ERVH48-1: variants seen among roughly 807,000 people sequenced by gnomAD.
ERVH48-1 encodes suppressyn.
In ERVH48-1, 4 loss-of-function variants were observed where a neutral mutation model predicts 2.4. The observed-to-expected ratio is 1.68, with a 90% confidence interval of 0.83 to 3.84. ERVH48-1 has a LOEUF of 3.84. ERVH48-1 is among the 30% of genes most tolerant of loss of function. The pLI is 0.01. For missense variants in ERVH48-1, 97 were observed against 43.4 expected (o/e 2.23, Z -3.47); for synonymous variants, 32 against 15.5 (o/e 2.06, Z -2.49).
intron 1 of ERVH48-1, among the ~76,000 whole-genome samples, chr21:42,922,593 A>C (rs2058809067): frequency 2.6e-5 from 4 of 151,934 alleles, no homozygotes. Flanking sequence ...ACAAAAATTT[A>C]GCTCGGCATA....
chr21:42,919,647 A>C (rs1351347797), intron 1 of ERVH48-1, among the ~76,000 whole-genome samples: 1 of 152,164 alleles, frequency 6.6e-6, no homozygotes, highest in East Asian at 1.9e-4. Context: ...GGGTGTGTGG[A>C]GAACCCATTT....
intron 1 of ERVH48-1, among the ~76,000 whole-genome samples, chr21:42,924,246 TTGTCCTGAGGAGAGGA>T (rs1007688607): frequency 6.6e-6 from 1 of 151,748 alleles, no homozygotes; most frequent in Non-Finnish European, 1.5e-5. Flanking sequence ...AGTGCAAGAA[TTGTCCTGAGGAGAGGA>T]TGGTGTAGGA....
At chr21:42,922,459 G>T (rs956475405) in intron 1 of ERVH48-1, among the ~76,000 whole-genome samples, 3 of 151,936 alleles carry the variant, frequency 2.0e-5, no homozygotes, top group Non-Finnish European at 4.4e-5. Flanking sequence ...AGTGAAGGAA[G>T]GCCGGGCGCG....
At chr21:42,925,317 C>T (rs2058817612) in intron 1 of ERVH48-1, 29 bp downstream of exon 1, 1 of 394,378 alleles carries the variant, frequency 2.5e-6, no homozygotes, top group East Asian at 8.5e-5. Context: ...CGGATTTTTC[C>T]CTGTTAACCG....
At position 42,916,977 on chromosome 21, in the gene ERVH48-1, G is replaced by C. The variant is rs1241870547; in HGVS notation, c.*1547C>G. 1 of 152,386 alleles carries C rather than the reference G, an allele frequency of 6.6e-6. No individual in the cohort carries two copies. Among genetic ancestry groups the C allele is most frequent in the African/African-American group, 2.4e-5 (1 of 41,414 alleles). The allele number at this position is 152,386 out of a possible 1,614,324, so 9.4% of individuals were successfully genotyped here. ...GGGCGACCTCCCTCTTGATCTTCAGGGGGTACGTGTCTTCCAGCCAGCTCT... is the reference window on the plus strand; with the variant it reads ...GGGCGACCTCCCTCTTGATCTTCAGCGGGTACGTGTCTTCCAGCCAGCTCT... On this transcript the variant is annotated 3_prime_UTR_variant, in exon 2 of 2. Transcript: ENST00000447535.
At position 42,918,272 on chromosome 21, in the gene ERVH48-1, C is replaced by T. The variant is rs1458308163; in HGVS notation, c.*252G>A. The T allele has an allele frequency of 2.5e-5, 8 of 326,342 alleles. No homozygotes were observed. The highest frequency in any genetic ancestry group is 1.1e-3 in the Middle Eastern group (1 of 904). The allele number at this position is 326,342 out of a possible 1,614,324, so 20.2% of individuals were successfully genotyped here. On this transcript the variant is annotated 3_prime_UTR_variant, in exon 2 of 2. Transcript: ENST00000447535. ...GCGATGGGTTTTATCAGTCCACTTG[C>T]GGGATATGCACACCGTCCCTCATAC...
chr21:42,919,496 C>G (rs1418610842), intron 1 of ERVH48-1, among the ~76,000 whole-genome samples: 2 of 152,066 alleles, frequency 1.3e-5, no homozygotes, highest in Admixed American at 6.5e-5. Flanking sequence ...AAAAAGGCTG[C>G]CTTTGGTGTT....
chr21:42,921,060 T>TTGGAAGCAAGCAGCCCATCCGAGAAC (rs2058804160), intron 1 of ERVH48-1, among the ~76,000 whole-genome samples: 1 of 152,096 alleles, frequency 6.6e-6, no homozygotes, highest in Non-Finnish European at 1.5e-5. Flanking sequence ...CCACCAGTGC[T>TTGGAAGCAAGCAGCCCATCCGAGAAC]TGGAAGCAAG....
rs1413334266 is a variant in ERVH48-1, at chr21:42,918,976, T to A, written c.31A>T (p.Thr11Ser). Residue 11 changes from threonine to serine, a missense_variant, in exon 2 of 2, where the codon ACC becomes TCC. Physicochemically the swap from Thr to Ser is moderately conservative, Grantham distance 58. Transcript: ENST00000447535. ...TTAAGACTTTTGGTTGGAAGAGAGG[T>A]ATAGAAAGTGGTTGGGTAGATACAG... MACIYPTTFY[T>S]SLPTKSLNMG... The A allele has an allele frequency of 1.1e-6, 1 of 931,170 alleles. No homozygotes were observed. The highest frequency in any genetic ancestry group is 2.3e-5 in the Admixed American group (1 of 42,952). The allele number at this position is 931,170 out of a possible 1,614,324, so 57.7% of individuals were successfully genotyped here.
rs1179597192 is a variant in ERVH48-1, at chr21:42,918,482, TACAA to T, written c.*38_*41del. ...GTAAGCACAATGGTTCTCCTAGATC[TACAA>T]ACAGATTTTTTCCTGGCTTAGGAAG... On this transcript the variant is annotated 3_prime_UTR_variant, in exon 2 of 2. Coordinates refer to ENST00000447535, the MANE Select transcript of ERVH48-1 (RefSeq NM_001308491.2). The T allele has an allele frequency of 3.7e-5, 16 of 433,122 alleles. No individual in the cohort carries two copies. Among genetic ancestry groups the T allele is most frequent in the Non-Finnish European group, 6.5e-5 (14 of 215,542 alleles). The allele number at this position is 433,122 out of a possible 1,614,324, so 26.8% of individuals were successfully genotyped here. A position where few individuals can be genotyped will look rare whatever the true frequency, so the allele number is the denominator to read the frequency against.
chr21:42,921,220 G>A (rs867412181), intron 1 of ERVH48-1, among the ~76,000 whole-genome samples: 1 of 152,148 alleles, frequency 6.6e-6, no homozygotes, highest in East Asian at 1.9e-4. Flanking sequence ...GTCTGGGAGG[G>A]TGAGGATGGG....
intron 1 of ERVH48-1, 31 bp from the exon 2 acceptor site, chr21:42,919,322 A>G (rs1428540882): frequency 4.7e-6 from 1 of 212,044 alleles, no homozygotes; most frequent in African/African-American, 2.3e-5. Flanking sequence ...TGAGAGGATA[A>G]GGAGGTGTCG....
At position 42,918,043 on chromosome 21, in the gene ERVH48-1, C is replaced by G. The variant is rs1466403544; in HGVS notation, c.*481G>C. The G allele has an allele frequency of 1.3e-5, 2 of 154,538 alleles. No homozygotes were observed. The highest frequency in any genetic ancestry group is 2.9e-5 in the Non-Finnish European group (2 of 69,634). The allele number at this position is 154,538 out of a possible 1,614,324, so 9.6% of individuals were successfully genotyped here. ...GGCAGTCCATTGTCAGCTGGTGTTC[C>G]TAGGATTGTCGCATAGTACACTTAG... is the stretch of plus-strand genomic sequence containing the variant. On this transcript the variant is annotated 3_prime_UTR_variant, in exon 2 of 2. Coordinates refer to ENST00000447535, the MANE Select transcript of ERVH48-1 (RefSeq NM_001308491.2).
Position 42,925,345 on chromosome 21 carries a change from C to A in ERVH48-1, c.-286+1G>T. ...GTTAACCGGGCTCCCAGGAAACTTA[C>A]CAGTAGGCGAGATCAGTGACCGATG... is the stretch of plus-strand genomic sequence containing the variant. On this transcript the variant is annotated splice_donor_variant, in intron 1 of 1. Coordinates refer to ENST00000447535, the MANE Select transcript of ERVH48-1 (RefSeq NM_001308491.2). LOFTEE classifies it low-confidence loss of function (5UTR_SPLICE). 1 of 436,126 alleles carries A rather than the reference C, an allele frequency of 2.3e-6. No homozygotes were observed. The highest frequency in any genetic ancestry group is 4.0e-5 in the Admixed American group (1 of 25,310). 27.0% of individuals were successfully genotyped at this position (436,126 alleles called of 1,614,324 possible).
intron 1 of ERVH48-1, among the ~76,000 whole-genome samples, chr21:42,921,611 A>T (rs1246459666): frequency 6.6e-6 from 1 of 152,098 alleles, no homozygotes; most frequent in East Asian, 1.9e-4. Context: ...GAGAGGGGCT[A>T]CCCAGGAGCA....
chr21:42,925,366 C>T lies in ERVH48-1; in HGVS notation c.-306G>A, dbSNP rs936647366. ...CTTACCAGTAGGCGAGATCAGTGAC[C>T]GATGTGCATGCACAGAGAGGCGACT... On this transcript the variant is annotated 5_prime_UTR_variant, in exon 1 of 2. Coordinates refer to ENST00000447535, the MANE Select transcript of ERVH48-1 (RefSeq NM_001308491.2). The T allele has an allele frequency of 1.7e-5, 8 of 458,510 alleles. No individual in the cohort carries two copies. The highest frequency in any genetic ancestry group is 8.1e-5 in the South Asian group (4 of 49,126). 28.4% of individuals were successfully genotyped at this position (458,510 alleles called of 1,614,324 possible).
At chr21:42,923,980 T>C (rs8127471) in intron 1 of ERVH48-1, among the ~76,000 whole-genome samples, 98,235 of 152,112 alleles carry the variant, frequency 0.65, 33,401 homozygotes, top group African/African-American at 0.86. Flanking sequence ...TCTAATAAGA[T>C]CTTCAGTTCC....
intron 1 of ERVH48-1, among the ~76,000 whole-genome samples, chr21:42,923,825 G>A (rs1453469253): frequency 6.6e-6 from 1 of 152,162 alleles, no homozygotes; most frequent in Admixed American, 6.5e-5. Context: ...GTGGAAGAGA[G>A]GATAACGTAG....
At chr21:42,921,695 G>C (rs867314612) in intron 1 of ERVH48-1, among the ~76,000 whole-genome samples, 1 of 151,782 alleles carries the variant, frequency 6.6e-6, no homozygotes, top group Non-Finnish European at 1.5e-5. Flanking sequence ...CAAAAAGGTG[G>C]GTGCTGTCTC....
Sources: gnomAD v4.1 joint callset for allele counts (sites outside exome capture counted in the v4.1 genomes callset) on GRCh38, gnomAD v4.1.1 for gene constraint, MANE v1.5 for transcripts, NCBI Gene and HGNC (gene_info 2026-07-23, HGNC 2026-07-21) for gene names.